Variants in STAM2 observed in about 807,000 individuals in gnomAD.
STAM2 encodes signal transducing adapter molecule 2.
Under a neutral mutation model 65.6 loss-of-function variants are expected in STAM2, and 51 were observed. The ratio of observed to expected loss-of-function variants is 0.78; its 90% CI spans 0.62 to 0.98. STAM2 has a LOEUF of 0.98. STAM2 is among the 50% of genes least tolerant of loss of function. The probability of loss-of-function intolerance (pLI) is 0.00; values close to 1 mark genes in which losing one functional copy is unlikely to be tolerated. For missense variants in STAM2, 584 were observed against 617.8 expected (o/e 0.95, Z 0.58); for synonymous variants, 198 against 208.4 (o/e 0.95, Z 0.43).
intron 1 of STAM2, among the ~76,000 whole-genome samples, chr2:152,153,577 CA>C (rs879887578): frequency 3.3e-5 from 5 of 152,004 alleles, no homozygotes; most frequent in Non-Finnish European, 7.4e-5. Context: ...AATGACAAAC[CA>C]GGGTTTTTAG....
intron 1 of STAM2, among the ~76,000 whole-genome samples, chr2:152,161,514 AAAC>A (rs1341651679): frequency 1.9e-4 from 29 of 151,494 alleles, no homozygotes; most frequent in African/African-American, 7.0e-4. Context: ...AAAAAAAAAA[AAAC>A]ATTATATATA....
intron 1 of STAM2, among the ~76,000 whole-genome samples, chr2:152,158,988 A>G (rs190143533): frequency 2.6e-5 from 4 of 151,040 alleles, no homozygotes; most frequent in South Asian, 2.1e-4. Context: ...CAATCTTAGG[A>G]AAAAAAATTG....
intron 11 of STAM2, 68 bp downstream of exon 11, chr2:152,132,046 T>C (rs1025176656): frequency 2.6e-6 from 3 of 1,158,898 alleles, no homozygotes; most frequent in African/African-American, 1.6e-5. Flanking sequence ...TTCCCTACTT[T>C]ACTGTTTGCC....
At chr2:152,121,642 G>A (rs929112836) in intron 13 of STAM2, among the ~76,000 whole-genome samples, 1 of 152,020 alleles carries the variant, frequency 6.6e-6, no homozygotes, top group African/African-American at 2.4e-5. Flanking sequence ...AGGATAGTCC[G>A]AAACTATAGT....
At chr2:152,167,857 C>T (rs1312880587) in intron 1 of STAM2, among the ~76,000 whole-genome samples, 2 of 152,046 alleles carry the variant, frequency 1.3e-5, no homozygotes, top group Non-Finnish European at 2.9e-5. Flanking sequence ...CTGCAGTGAG[C>T]TGAGATTGTA....
intron 13 of STAM2, among the ~76,000 whole-genome samples, chr2:152,123,237 T>G (rs1183224499): frequency 1.3e-5 from 2 of 152,068 alleles, no homozygotes; most frequent in African/African-American, 4.8e-5. Flanking sequence ...CTGGGCATGG[T>G]GGCGCGTGCC....
intron 1 of STAM2, among the ~76,000 whole-genome samples, chr2:152,150,547 A>C (rs1418333490): frequency 6.6e-6 from 1 of 152,256 alleles, no homozygotes; most frequent in Admixed American, 6.5e-5. Context: ...TCATGCCTGT[A>C]ATCCCAGGCA....
At chr2:152,160,875 G>T (rs1361703322) in intron 1 of STAM2, among the ~76,000 whole-genome samples, 1 of 149,046 alleles carries the variant, frequency 6.7e-6, no homozygotes, top group African/African-American at 2.5e-5. Flanking sequence ...GAGGGAGGTG[G>T]GGGGGTCAGC....
chr2:152,160,366 C>G (rs1000949267), intron 1 of STAM2, among the ~76,000 whole-genome samples: 6 of 151,566 alleles, frequency 4.0e-5, no homozygotes, highest in Non-Finnish European at 8.8e-5. Flanking sequence ...ATGTGGGGAG[C>G]GCCTCTGCCC....
chr2:152,149,399 T>G (rs1579324558), intron 2 of STAM2, among the ~76,000 whole-genome samples: 1 of 152,156 alleles, frequency 6.6e-6, no homozygotes, highest in South Asian at 2.1e-4. Context: ...AACTGACCCT[T>G]TAACTACATG....
intron 1 of STAM2, among the ~76,000 whole-genome samples, chr2:152,173,560 C>G (rs934267698): frequency 6.6e-6 from 1 of 151,792 alleles, no homozygotes; most frequent in African/African-American, 2.4e-5. Context: ...CCATGCCTGG[C>G]TAATTTTTTG....
intron 1 of STAM2, among the ~76,000 whole-genome samples, chr2:152,155,503 T>C (rs2105556033): frequency 6.6e-6 from 1 of 152,320 alleles, no homozygotes; most frequent in East Asian, 1.9e-4. Context: ...AGTTCTCCTC[T>C]TGTTTACTGA....
intron 1 of STAM2, among the ~76,000 whole-genome samples, chr2:152,157,108 G>GAGGACTAGCCCAAGTAGAGA (rs1431133586): frequency 1.5e-4 from 23 of 152,150 alleles, no homozygotes; most frequent in Non-Finnish European, 2.9e-4. Context: ...CCAAGTAGAA[G>GAGGACTAGCCCAAGTAGAGA]AGGACTAGCC....
chr2:152,128,946 T>C (rs780890529), intron 11 of STAM2, among the ~76,000 whole-genome samples: 7 of 152,256 alleles, frequency 4.6e-5, no homozygotes, highest in Non-Finnish European at 8.8e-5. Context: ...CTTTGAATAC[T>C]TGACAAGGGT....
intron 7 of STAM2, among the ~76,000 whole-genome samples, chr2:152,142,736 T>C (rs946303834): frequency 1.3e-5 from 2 of 152,224 alleles, no homozygotes; most frequent in African/African-American, 4.8e-5. Context: ...CTATCTATTC[T>C]CCTTCAGGGA....
intron 7 of STAM2, among the ~76,000 whole-genome samples, chr2:152,142,093 C>G (rs1689259485): frequency 6.6e-6 from 1 of 152,162 alleles, no homozygotes; most frequent in Admixed American, 6.5e-5. Flanking sequence ...CAGCGATTAC[C>G]AATCACCTAA....
At chr2:152,160,873 TG>T (rs1316343452) in intron 1 of STAM2, among the ~76,000 whole-genome samples, 2 of 133,638 alleles carry the variant, frequency 1.5e-5, no homozygotes, top group Admixed American at 7.5e-5. Flanking sequence ...GGGAGGGAGG[TG>T]GGGGGGTCAG....
intron 10 of STAM2, among the ~76,000 whole-genome samples, chr2:152,132,896 T>G (rs541463170): frequency 1.1e-4 from 16 of 152,272 alleles, no homozygotes; most frequent in Admixed American, 8.5e-4. Context: ...TTTGATGTAC[T>G]GTTATTTTTA....
chr2:152,175,497 C>T lies in STAM2; in HGVS notation c.40+106G>A. 2.7e-6 allele frequency: 4 copies of T among 1,456,946 alleles called. No homozygotes were observed. In the African/African-American group the frequency reaches 4.2e-5, roughly 15 times the overall value. The allele number at this position is 1,456,946 out of a possible 1,614,324, so 90.3% of individuals were successfully genotyped here. ...GGCGGCACCGCCCCTCCCCTCCCTT[C>T]GCTTTGCTTCCTAGTCCCCGGAGTC... On this transcript the variant is annotated intron_variant, in intron 1 of 13. Coordinates refer to ENST00000263904, the MANE Select transcript of STAM2 (RefSeq NM_005843.6).
Sources: gnomAD v4.1 joint callset for allele counts (sites outside exome capture counted in the v4.1 genomes callset) on GRCh38, gnomAD v4.1.1 for gene constraint, MANE v1.5 for transcripts, NCBI Gene and HGNC (gene_info 2026-07-23, HGNC 2026-07-21) for gene names.